The following SNX16 variants were observed in gnomAD, a reference collection of about 807,000 sequenced individuals.
The protein encoded by SNX16 is sorting nexin-16.
SNX16 carries 35 observed loss-of-function variants against 36.7 expected under a neutral mutation model. The observed-to-expected ratio is 0.95, with a 90% CI of 0.73 to 1.27. The LOEUF (loss-of-function observed/expected upper bound fraction) is 1.27, where lower values mean the gene tolerates loss of function less well. Ranked by LOEUF, SNX16 falls within the 50% of genes most tolerant of loss-of-function variation. The pLI is 0.00. For synonymous variants in SNX16, 134 were observed against 132.0 expected (o/e 1.02, Z -0.10); for missense variants, 367 against 393.6 (o/e 0.93, Z 0.57).
chr8:81,820,287 T>C (rs1423298062), intron 4 of SNX16, among the ~76,000 whole-genome samples: 1 of 152,066 alleles, frequency 6.6e-6, no homozygotes, highest in Non-Finnish European at 1.5e-5. Flanking sequence ...TTCCCTCTTC[T>C]CCTACTTTGT....
chr8:81,822,938 A>G (rs1810818001), intron 4 of SNX16, among the ~76,000 whole-genome samples: 1 of 81,366 alleles, frequency 1.2e-5, no homozygotes, highest in Non-Finnish European at 2.4e-5. Context: ...ATATATATAT[A>G]TACATATACA....
At chr8:81,815,439 G>C in intron 4 of SNX16, 45 bp from the exon 5 acceptor site, 4 of 1,546,840 alleles carry the variant, frequency 2.6e-6, no homozygotes, top group Non-Finnish European at 3.5e-6. Context: ...AAATAAGTTT[G>C]CAAAAGATAG....
At chr8:81,837,220 A>T (rs1224139792) in intron 2 of SNX16, among the ~76,000 whole-genome samples, 7 of 152,174 alleles carry the variant, frequency 4.6e-5, no homozygotes, top group African/African-American at 1.7e-4. Context: ...TTGCTGTACC[A>T]CTATTACCCA....
At position 81,830,846 on chromosome 8, in the gene SNX16, C is replaced by T. The variant is rs117971300; in HGVS notation, c.376-1330G>A. 3.1e-4 allele frequency among the ~76,000 whole-genome samples: 47 copies of T among 152,272 alleles called. No individual in the cohort carries two copies. The East Asian group carries it at 7.5e-3, about 24-fold the overall frequency. On this transcript the variant is annotated intron_variant, in intron 2 of 7. Coordinates refer to ENST00000345957, the MANE Select transcript of SNX16 (RefSeq NM_152836.3). ...GAAATGAACAAAGCCAGAGGCATCA[C>T]ACTACCTGACTTCAAATTATATTAC... is the stretch of plus-strand genomic sequence containing the variant.
In SNX16 at chr8:81,801,597, C is replaced by CA. The variant is rs33964984; in HGVS notation, c.939-5dup. The CA allele has an allele frequency of 0.19, 201,774 of 1,038,848 alleles. 2,305 individuals are homozygous for CA. Among genetic ancestry groups the CA allele is most frequent in the East Asian group, 0.2 (6,614 of 32,452 alleles). 64.4% of individuals were successfully genotyped at this position (1,038,848 alleles called of 1,614,324 possible). On this transcript the variant is annotated splice_region_variant and splice_polypyrimidine_tract_variant and intron_variant, in intron 7 of 7. Transcript: ENST00000345957. ...TAAGCATGGTTTATTATCAGCTCTG[C>CA]AAAAAAAAAAAAAAAAGGAACATAT...
chr8:81,801,671 T>A, intron 7 of SNX16, 78 bp from the exon 8 acceptor site: 1 of 818,252 alleles, frequency 1.2e-6, no homozygotes, highest in Non-Finnish European at 1.9e-6. Flanking sequence ...ACTATTACCT[T>A]TAAAAATCTT....
intron 2 of SNX16, among the ~76,000 whole-genome samples, chr8:81,837,105 A>C (rs1362076846): frequency 6.6e-6 from 1 of 152,096 alleles, no homozygotes; most frequent in African/African-American, 2.4e-5. Context: ...GATTTGGGGA[A>C]ACTCCCTGTC....
rs1410828086 is a variant in SNX16, at chr8:81,799,990, A to G, written c.*1507T>C. 2 of 99,652 alleles carry G rather than the reference A, an allele frequency of 2.0e-5. No homozygotes were observed. The highest frequency in any genetic ancestry group is 4.7e-5 in the African/African-American group (1 of 21,244). The allele number at this position is 99,652 out of a possible 1,614,324, so 6.2% of individuals were successfully genotyped here. A position where few individuals can be genotyped will look rare whatever the true frequency, so the allele number is the denominator to read the frequency against. On this transcript the variant is annotated 3_prime_UTR_variant, in exon 8 of 8. Coordinates refer to ENST00000345957, the MANE Select transcript of SNX16 (RefSeq NM_152836.3). ...ACATTGTGAAAAATGTTCTGAGAAC[A>G]TACCTGTGCACTTTGACAGACTAAA... is the stretch of plus-strand genomic sequence containing the variant.
chr8:81,813,986 G>C (rs546868507), intron 5 of SNX16, among the ~76,000 whole-genome samples: 1 of 152,044 alleles, frequency 6.6e-6, no homozygotes, highest in South Asian at 2.1e-4. Flanking sequence ...ATAGAATACA[G>C]CAACTTTCAA....
Position 81,840,141 on chromosome 8 carries a change from G to A in SNX16, c.-96-59C>T, listed in dbSNP as rs1019917294. 2.6e-5 allele frequency: 21 copies of A among 810,546 alleles called. No homozygotes were observed. The African/African-American group carries it at 3.1e-4, about 12-fold the overall frequency. 50.2% of individuals were successfully genotyped at this position (810,546 alleles called of 1,614,324 possible). A position where few individuals can be genotyped will look rare whatever the true frequency, so the allele number is the denominator to read the frequency against. Reference sequence around the variant, plus strand: ...CTTTAATGTGCAGCAGGATTCAAAAGAAAAGTATTCTTTTCAATTTTATGA... The same window carrying A: ...CTTTAATGTGCAGCAGGATTCAAAAAAAAAGTATTCTTTTCAATTTTATGA... On this transcript the variant is annotated intron_variant, in intron 1 of 7. Coordinates refer to ENST00000345957, the MANE Select transcript of SNX16 (RefSeq NM_152836.3).
At chr8:81,815,645 T>C in intron 4 of SNX16, 1 of 319,722 alleles carries the variant, frequency 3.1e-6, no homozygotes, top group Non-Finnish European at 6.0e-6. Context: ...TACTTCACAA[T>C]AATGGTTCAA....
intron 5 of SNX16, among the ~76,000 whole-genome samples, chr8:81,812,389 G>A (rs892049763): frequency 6.6e-6 from 1 of 152,042 alleles, no homozygotes; most frequent in African/African-American, 2.4e-5. Flanking sequence ...TCAAACTGCT[G>A]AAAGTCAAAC....
intron 2 of SNX16, among the ~76,000 whole-genome samples, chr8:81,835,932 C>A (rs1811473595): frequency 6.6e-6 from 1 of 152,188 alleles, no homozygotes; most frequent in African/African-American, 2.4e-5. Context: ...AGACCTGCCC[C>A]AATGATTGCC....
chr8:81,807,572 C>A (rs1004475478), intron 5 of SNX16, among the ~76,000 whole-genome samples: 1 of 148,228 alleles, frequency 6.7e-6, no homozygotes, highest in South Asian at 2.2e-4. Context: ...TAAACAGACC[C>A]GTTCACACTC....
At position 81,815,366 on chromosome 8, in the gene SNX16, CCAAA is replaced by C. The variant is rs1810433712; in HGVS notation, c.636_639del (p.Cys212TrpfsTer11). The C allele has an allele frequency of 6.2e-7, 1 of 1,612,372 alleles. No individual in the cohort carries two copies. The highest frequency in any genetic ancestry group is 1.7e-5 in the Admixed American group (1 of 59,914). On this transcript the variant is annotated frameshift_variant, in exon 5 of 8. Coordinates refer to ENST00000345957, the MANE Select transcript of SNX16 (RefSeq NM_152836.3). LOFTEE classifies it high-confidence loss of function. ...CTATCAAATGGACCCGGTGGATCAT[CCAAA>C]CAAAGAAATTCTCTCACTGCAAGGC...
chr8:81,801,870 C>T (rs956343630), intron 7 of SNX16, among the ~76,000 whole-genome samples: 1 of 151,654 alleles, frequency 6.6e-6, no homozygotes, highest in Non-Finnish European at 1.5e-5. Flanking sequence ...CCTTTATCAA[C>T]ATAAAATTTT....
At position 81,816,089 on chromosome 8, in the gene SNX16, C is replaced by A. The variant is rs147405165; in HGVS notation, c.612-695G>T. Among the ~76,000 whole-genome samples the A allele has an allele frequency of 2.2e-3, 337 of 151,984 alleles. 1 individual carries two copies. Among genetic ancestry groups the A allele is most frequent in the African/African-American group, 7.7e-3 (321 of 41,500 alleles). On this transcript the variant is annotated intron_variant, in intron 4 of 7. Coordinates refer to ENST00000345957, the MANE Select transcript of SNX16 (RefSeq NM_152836.3). ...AAGTTTGGACTGTTGAACTGAGAGA[C>A]AACTCTATGTACACATCAAAATATA...
chr8:81,822,268 G>C (rs1000874456), intron 4 of SNX16, among the ~76,000 whole-genome samples: 1 of 151,996 alleles, frequency 6.6e-6, no homozygotes, highest in African/African-American at 2.4e-5. Context: ...GGGTTGGATG[G>C]GGTAGTAGTG....
chr8:81,839,702 T>C lies in SNX16; in HGVS notation c.285A>G (p.Glu95=). Residue 95 remains glutamate (E), a synonymous_variant, in exon 2 of 8, where the codon GAA becomes GAG. Transcript: ENST00000345957. The part of the protein sequence containing the change: ...EYSTRPRDTE[E]QNPETVNWED... Reference sequence around the variant, plus strand: ...CCCAATTCACTGTTTCCGGATTTTGTTCTTCAGTGTCTCTTGGTCTAGTAG... The same window carrying C: ...CCCAATTCACTGTTTCCGGATTTTGCTCTTCAGTGTCTCTTGGTCTAGTAG... The C allele has an allele frequency of 6.2e-7, 1 of 1,613,974 alleles. No individual in the cohort carries two copies. Among genetic ancestry groups the C allele is most frequent in the Non-Finnish European group, 8.5e-7 (1 of 1,179,876 alleles).
Sources: allele counts gnomAD v4.1 joint callset (sites outside exome capture counted in the v4.1 genomes callset), GRCh38; gene constraint gnomAD v4.1.1; transcripts MANE v1.5; gene names NCBI Gene and HGNC (gene_info 2026-07-23, HGNC 2026-07-21).